The following HOMER2 variants were observed in gnomAD, a reference collection of about 807,000 sequenced individuals.
HOMER2 encodes the protein homer scaffold protein 2.
In HOMER2, 27 loss-of-function variants were observed where a neutral mutation model predicts 47.0. The ratio of observed to expected loss-of-function variants is 0.57; its 90% CI spans 0.42 to 0.79. The LOEUF (loss-of-function observed/expected upper bound fraction) is 0.79. HOMER2 is among the 30% of genes least tolerant of loss of function. The pLI is 0.00. For synonymous variants in HOMER2, 161 were observed against 163.8 expected (o/e 0.98, Z 0.13); for missense variants, 443 against 435.0 (o/e 1.02, Z -0.16).
chr15:82,934,125 C>T (rs1458598284), intron 1 of HOMER2, among the ~76,000 whole-genome samples: 2 of 152,162 alleles, frequency 1.3e-5, no homozygotes, highest in Non-Finnish European at 2.9e-5. Context: ...CACTCCCCAC[C>T]GCCCCCCACA....
At chr15:82,894,021 C>T (rs1415021911) in intron 1 of HOMER2, among the ~76,000 whole-genome samples, 3 of 151,772 alleles carry the variant, frequency 2.0e-5, no homozygotes, top group African/African-American at 7.3e-5. Context: ...CTGACCAAAC[C>T]TTCAAATTTG....
At chr15:82,893,324 T>C (rs1483862429) in intron 1 of HOMER2, among the ~76,000 whole-genome samples, 6 of 146,386 alleles carry the variant, frequency 4.1e-5, no homozygotes, top group African/African-American at 7.6e-5. Flanking sequence ...ATGACATAAT[T>C]TTATCTTTTT....
intron 3 of HOMER2, among the ~76,000 whole-genome samples, chr15:82,872,537 C>CT (rs1408449671): frequency 6.6e-6 from 1 of 152,158 alleles, no homozygotes; most frequent in Non-Finnish European, 1.5e-5. Context: ...TCTTAAAATC[C>CT]TTCTCAGGCC....
chr15:82,945,784 C>T (rs2054364359), intron 1 of HOMER2, among the ~76,000 whole-genome samples: 1 of 152,038 alleles, frequency 6.6e-6, no homozygotes, highest in Admixed American at 6.6e-5. Flanking sequence ...TCCTGGCTAA[C>T]AAGGTGAAAT....
intron 1 of HOMER2, among the ~76,000 whole-genome samples, chr15:82,981,393 T>G (rs930578560): frequency 3.3e-5 from 5 of 152,222 alleles, no homozygotes; most frequent in Admixed American, 2.0e-4. Context: ...AAGTTATGAG[T>G]AATTGTGCAC....
At chr15:82,859,989 T>C (rs868642233) in intron 4 of HOMER2, among the ~76,000 whole-genome samples, 2 of 152,154 alleles carry the variant, frequency 1.3e-5, no homozygotes, top group African/African-American at 4.8e-5. Flanking sequence ...GGCTCACACC[T>C]GTAATCCCAG....
chr15:82,946,651 T>C (rs181809749), intron 1 of HOMER2, among the ~76,000 whole-genome samples: 11 of 152,234 alleles, frequency 7.2e-5, no homozygotes, highest in Admixed American at 5.2e-4. Flanking sequence ...CATCCTCTAG[T>C]CCCCTTCCTT....
At chr15:82,983,900 G>C (rs1382468504) in intron 1 of HOMER2, among the ~76,000 whole-genome samples, 3 of 151,154 alleles carry the variant, frequency 2.0e-5, no homozygotes, top group Non-Finnish European at 4.4e-5. Context: ...CTCCTTCCCT[G>C]ATTTCTACCA....
At chr15:82,924,612 T>C (rs2053813478) in intron 1 of HOMER2, among the ~76,000 whole-genome samples, 1 of 152,154 alleles carries the variant, frequency 6.6e-6, no homozygotes, top group Non-Finnish European at 1.5e-5. Context: ...AAAATGCCTT[T>C]CCATGGTCAT....
downstream of HOMER2, among the ~76,000 whole-genome samples, chr15:82,836,531 G>A (rs1377442510): frequency 1.3e-5 from 2 of 152,366 alleles, no homozygotes; most frequent in African/African-American, 4.8e-5. Flanking sequence ...GCAAACCCAT[G>A]CCCATCCTTA....
At chr15:82,929,304 G>C (rs2053943058) in intron 1 of HOMER2, among the ~76,000 whole-genome samples, 1 of 152,170 alleles carries the variant, frequency 6.6e-6, no homozygotes, top group South Asian at 2.1e-4. Context: ...GAAGCTGGGA[G>C]ATAGATGGAT....
At chr15:82,868,541 A>ATTTT (rs10678643) in intron 3 of HOMER2, among the ~76,000 whole-genome samples, 20 of 71,262 alleles carry the variant, frequency 2.8e-4, no homozygotes, top group African/African-American at 1.0e-3. Flanking sequence ...ATATATATAT[A>ATTTT]TTTTTTTTTT....
chr15:82,869,450 CTTTTT>C (rs71822678), intron 3 of HOMER2, among the ~76,000 whole-genome samples: 5 of 70,240 alleles, frequency 7.1e-5, no homozygotes, highest in East Asian at 1.0e-3. Context: ...TACTAAACAT[CTTTTT>C]TTTTTTTTTT....
At chr15:82,957,868 C>T (rs2054599424), downstream of HOMER2, among the ~76,000 whole-genome samples, 1 of 152,176 alleles carries the variant, frequency 6.6e-6, no homozygotes, top group African/African-American at 2.4e-5. Context: ...GACGGAGTCT[C>T]ACACTGTCAC....
At chr15:82,966,114 G>A (rs1254542078) in intron 1 of HOMER2, among the ~76,000 whole-genome samples, 2 of 151,998 alleles carry the variant, frequency 1.3e-5, no homozygotes, top group African/African-American at 2.4e-5. Flanking sequence ...AAAAAGAGGG[G>A]TCACTTTAGA....
Position 82,875,378 on chromosome 15 carries a change from C to T in HOMER2, c.189G>A (p.Pro63=), listed in dbSNP as rs746991345. The T allele has an allele frequency of 9.3e-6, 15 of 1,613,846 alleles. No homozygotes were observed. Among genetic ancestry groups the T allele is most frequent in the South Asian group, 2.2e-5 (2 of 91,082 alleles). Residue 63 remains proline, a synonymous_variant, in exon 3 of 9, where the codon CCG becomes CCA. Coordinates refer to ENST00000450735, the MANE Select transcript of HOMER2 (RefSeq NM_004839.4). ...GTGACGTTTTGGTGAAGGTCATATT[C>T]GGTGTGATTGTGCTGTTTATGATCA... ...AKVIINSTIT[P]NMTFTKTSQK... is the part of the protein sequence containing the mutation.
At chr15:82,867,091 CTT>C (rs2051994664) in intron 3 of HOMER2, among the ~76,000 whole-genome samples, 1 of 151,992 alleles carries the variant, frequency 6.6e-6, no homozygotes, top group Admixed American at 6.6e-5. Context: ...ATTGAGATAA[CTT>C]TAGTAAATTG....
At chr15:82,931,853 A>T (rs1295692123) in intron 1 of HOMER2, among the ~76,000 whole-genome samples, 1 of 152,188 alleles carries the variant, frequency 6.6e-6, no homozygotes, top group Non-Finnish European at 1.5e-5. Context: ...ACAAAACAAA[A>T]CAAAACAAAA....
At chr15:82,921,631 A>C (rs114659612) in intron 1 of HOMER2, among the ~76,000 whole-genome samples, 320 of 152,184 alleles carry the variant, frequency 2.1e-3, no homozygotes, top group African/African-American at 7.5e-3. Context: ...ACCTAGTATC[A>C]CCTGAGACCT....
Sources: gnomAD v4.1 joint callset for allele counts (sites outside exome capture counted in the v4.1 genomes callset) on GRCh38, gnomAD v4.1.1 for gene constraint, MANE v1.5 for transcripts, NCBI Gene and HGNC (gene_info 2026-07-23, HGNC 2026-07-21) for gene names.